ZBTB16: variants seen among roughly 807,000 people sequenced by gnomAD.
ZBTB16 encodes the protein zinc finger and BTB domain containing 16, also known as zinc finger and BTB domain-containing protein 16.
Under a neutral mutation model 56.8 loss-of-function variants are expected in ZBTB16, and 8 were observed. That is an observed-to-expected ratio of 0.14 (90% CI 0.08 to 0.25). ZBTB16 has a LOEUF of 0.25. Ranked by LOEUF, ZBTB16 falls within the 10% of genes least tolerant of loss-of-function variation. ZBTB16 has a pLI of 1.00. For synonymous variants in ZBTB16, 363 were observed against 368.5 expected (o/e 0.98, Z 0.17); for missense variants, 625 against 903.0 (o/e 0.69, Z 3.95).
chr11:114,078,681 T>C (rs768179268), intron 2 of ZBTB16, among the ~76,000 whole-genome samples: 3 of 151,310 alleles, frequency 2.0e-5, no homozygotes, highest in African/African-American at 4.9e-5. Flanking sequence ...GATAGTGAAA[T>C]ACAGCCCAGG....
intron 2 of ZBTB16, among the ~76,000 whole-genome samples, chr11:114,111,474 G>A (rs1455507705): frequency 6.6e-6 from 1 of 152,214 alleles, no homozygotes; most frequent in African/African-American, 2.4e-5. Flanking sequence ...ACCACAAGAC[G>A]GTCCTTCCAG....
chr11:114,176,973 C>T (rs1222316481), intron 3 of ZBTB16, among the ~76,000 whole-genome samples: 3 of 152,118 alleles, frequency 2.0e-5, no homozygotes, highest in African/African-American at 7.2e-5. Context: ...TTTATGCAGG[C>T]CATTTACTTA....
chr11:114,134,286 C>T (rs1253705353), intron 2 of ZBTB16, among the ~76,000 whole-genome samples: 1 of 152,032 alleles, frequency 6.6e-6, no homozygotes, highest in African/African-American at 2.4e-5. Context: ...GATCTCCCAA[C>T]TCTGGTTGCA....
intron 4 of ZBTB16, among the ~76,000 whole-genome samples, chr11:114,225,594 C>G (rs1173484314): frequency 6.6e-6 from 1 of 152,160 alleles, no homozygotes; most frequent in Non-Finnish European, 1.5e-5. Flanking sequence ...AACCCACTCC[C>G]TTGAGAACGA....
At chr11:114,156,484 T>G in intron 3 of ZBTB16, 50 bp downstream of exon 3, 1 of 1,571,434 alleles carries the variant, frequency 6.4e-7, no homozygotes, top group Non-Finnish European at 8.8e-7. Context: ...AACCATCTCC[T>G]GCTTGCCTTT....
chr11:114,128,866 G>A (rs1027618311), intron 2 of ZBTB16, among the ~76,000 whole-genome samples: 2 of 152,178 alleles, frequency 1.3e-5, no homozygotes, highest in African/African-American at 4.8e-5. Context: ...GCCCAGAGGC[G>A]GCTACTGCAA....
At position 114,064,414 on chromosome 11, in the gene ZBTB16, G is replaced by T. The variant is rs755393648; in HGVS notation, c.1114G>T (p.Gly372Trp). The stretch of plus-strand genomic sequence containing the variant: ...TGTCTCCATGGACTTCAGCACCTAT[G>T]GGGGGCTGCTGCCCCAGGGCTTCAT... The part of the protein sequence containing the change: ...LAVSMDFSTY[G>W]GLLPQGFIQR... Residue 372 changes from glycine to tryptophan, a missense_variant, in exon 2 of 7, where the codon GGG becomes TGG. Physicochemically the swap from Gly to Trp is radical, Grantham distance 184 (BLOSUM62 -2). Transcript: ENST00000335953. The surrounding 1 kb of genome is among the most constrained non-coding windows in gnomAD (Gnocchi z 4.2). 1 of 1,614,074 alleles carries T rather than the reference G, an allele frequency of 6.2e-7. No homozygotes were observed. The highest frequency in any genetic ancestry group is 8.5e-7 in the Non-Finnish European group (1 of 1,180,042).
chr11:114,131,196 C>T (rs1375117930), intron 2 of ZBTB16, among the ~76,000 whole-genome samples: 4 of 152,104 alleles, frequency 2.6e-5, no homozygotes, highest in Admixed American at 2.0e-4. Context: ...CTTGTCACAA[C>T]CTAAGAGGTT....
chr11:114,167,073 G>T (rs1046367541), intron 3 of ZBTB16, among the ~76,000 whole-genome samples: 1 of 152,122 alleles, frequency 6.6e-6, no homozygotes, highest in Non-Finnish European at 1.5e-5. Flanking sequence ...AGAGAATGGG[G>T]CAGAGAACAG....
chr11:114,143,958 G>A lies in ZBTB16; in HGVS notation c.1269-12379G>A, dbSNP rs117050379. ...GGTATTATGCATTTCCTGTGTGCTC[G>A]GGAGCCTTGCGTGTAAGGAGCAAGA... On this transcript the variant is annotated intron_variant, in intron 2 of 6. Transcript: ENST00000335953. The surrounding 1 kb of genome is among the most constrained non-coding windows in gnomAD (Gnocchi z 6.4). Among the ~76,000 whole-genome samples, 6 of 152,250 alleles carry A rather than the reference G, an allele frequency of 3.9e-5. No homozygotes were observed. The East Asian group carries it at 5.8e-4, about 15-fold the overall frequency.
intron 6 of ZBTB16, among the ~76,000 whole-genome samples, chr11:114,248,038 C>A (rs1210202137): frequency 6.6e-6 from 1 of 152,110 alleles, no homozygotes; most frequent in East Asian, 1.9e-4. Context: ...CCTGGGATTA[C>A]AGGTGTGTGC....
intron 2 of ZBTB16, among the ~76,000 whole-genome samples, chr11:114,151,429 A>G (rs1942275929): frequency 6.6e-6 from 1 of 152,148 alleles, no homozygotes; most frequent in African/African-American, 2.4e-5. Flanking sequence ...ATTTTTCCTC[A>G]TTCAAAGGCG....
At chr11:114,079,801 T>C (rs1020955366) in intron 2 of ZBTB16, among the ~76,000 whole-genome samples, 1 of 152,174 alleles carries the variant, frequency 6.6e-6, no homozygotes, top group African/African-American at 2.4e-5. Context: ...TTGGCCTCAC[T>C]TCTTAGGTGG....
At chr11:114,066,767 CA>C (rs1939133232) in intron 2 of ZBTB16, among the ~76,000 whole-genome samples, 1 of 96,430 alleles carries the variant, frequency 1.0e-5, no homozygotes, top group East Asian at 3.4e-4. Context: ...TCACTCACTA[CA>C]TTTTTTTTTT....
intron 3 of ZBTB16, among the ~76,000 whole-genome samples, chr11:114,170,092 A>G (rs1017735319): frequency 1.3e-5 from 2 of 152,222 alleles, no homozygotes; most frequent in Admixed American, 6.5e-5. Context: ...AAAAGCTGCC[A>G]CTTCAGGGGG....
chr11:114,122,329 A>G lies in ZBTB16; in HGVS notation c.1269-34008A>G, dbSNP rs531654277. On this transcript the variant is annotated intron_variant, in intron 2 of 6. Coordinates refer to ENST00000335953, the MANE Select transcript of ZBTB16 (RefSeq NM_006006.6). ...AGATGTACCTGTTGGTTTCAATTCA[A>G]TGGATGTTTGTCATTTGGTCTCTGC... 2.2e-3 allele frequency among the ~76,000 whole-genome samples: 329 copies of G among 152,262 alleles called. 2 individuals are homozygous for G. Among genetic ancestry groups the G allele is most frequent in the African/African-American group, 7.5e-3 (313 of 41,530 alleles).
chr11:114,118,042 G>A (rs1408447608), intron 2 of ZBTB16, among the ~76,000 whole-genome samples: 1 of 152,158 alleles, frequency 6.6e-6, no homozygotes, highest in Non-Finnish European at 1.5e-5. Flanking sequence ...TAATCCTTGG[G>A]TGTAGAGGCA....
chr11:114,061,934 C>A (rs1399709382), intron 1 of ZBTB16, among the ~76,000 whole-genome samples: 1 of 152,140 alleles, frequency 6.6e-6, no homozygotes, highest in Non-Finnish European at 1.5e-5. Flanking sequence ...CACACCCAGC[C>A]CAGCATGAGC....
chr11:114,200,325 C>T (rs1185214614), intron 4 of ZBTB16, among the ~76,000 whole-genome samples: 2 of 152,234 alleles, frequency 1.3e-5, no homozygotes, highest in African/African-American at 4.8e-5. Context: ...GTATTAAATA[C>T]CTACTGTGTC....
Sources: gnomAD v4.1 joint callset for allele counts (sites outside exome capture counted in the v4.1 genomes callset) on GRCh38, gnomAD v4.1.1 for gene constraint, Gnocchi (gnomAD v3.1) non-coding constraint, MANE v1.5 for transcripts, NCBI Gene and HGNC (gene_info 2026-07-23, HGNC 2026-07-21) for gene names.